Variants in ZBTB20 observed in about 807,000 individuals in gnomAD.
ZBTB20 encodes zinc finger and BTB domain-containing protein 20.
ZBTB20 carries 9 observed loss-of-function variants against 56.9 expected under a neutral mutation model. That is an observed-to-expected ratio of 0.16 (90% CI 0.10 to 0.28). The LOEUF (loss-of-function observed/expected upper bound fraction) is 0.28. Among genes scored for constraint, ZBTB20 ranks in the 10% least tolerant of loss-of-function variants. The pLI, the probability that ZBTB20 is intolerant of heterozygous loss-of-function variation, is 1.00. For synonymous variants in ZBTB20, 417 were observed against 420.7 expected, an observed-to-expected ratio of 0.99 and a Z score of 0.11; for missense variants, 655 against 1,003.0, an observed-to-expected ratio of 0.65 and a Z score of 4.69.
chr3:114,999,493 C>CT (rs1021031518), intron 2 of ZBTB20, among the ~76,000 whole-genome samples: 9 of 150,890 alleles, frequency 6.0e-5, no homozygotes, highest in African/African-American at 1.5e-4. Context: ...TTTAAACCTA[C>CT]TTTTTTTTTA....
intron 7 of ZBTB20, among the ~76,000 whole-genome samples, chr3:114,401,437 T>C (rs1388669955): frequency 6.6e-6 from 1 of 152,108 alleles, no homozygotes; most frequent in African/African-American, 2.4e-5. Flanking sequence ...TTGTACCAAC[T>C]AGCTTCAACT....
intron 5 of ZBTB20, among the ~76,000 whole-genome samples, chr3:114,722,100 G>A (rs1477045378): frequency 6.6e-6 from 1 of 152,166 alleles, no homozygotes; most frequent in East Asian, 1.9e-4. Flanking sequence ...AACTGGAGAA[G>A]TATTAATTGT....
intron 5 of ZBTB20, among the ~76,000 whole-genome samples, chr3:114,742,337 T>C (rs1262823997): frequency 6.6e-6 from 1 of 152,114 alleles, no homozygotes; most frequent in Non-Finnish European, 1.5e-5. Context: ...CCGGGTAGGA[T>C]ACTGTGGATA....
At chr3:114,954,502 C>G (rs1314056114) in intron 3 of ZBTB20, among the ~76,000 whole-genome samples, 1 of 152,148 alleles carries the variant, frequency 6.6e-6, no homozygotes, top group Non-Finnish European at 1.5e-5. Flanking sequence ...TACACACACA[C>G]TCTTACAGAT....
intron 6 of ZBTB20, among the ~76,000 whole-genome samples, chr3:114,614,320 T>C (rs1344667106): frequency 6.6e-6 from 1 of 152,224 alleles, no homozygotes; most frequent in East Asian, 1.9e-4. Context: ...GATTTGGCTC[T>C]TACAGATTTT....
intron 2 of ZBTB20, among the ~76,000 whole-genome samples, chr3:114,984,845 C>T (rs1431747500): frequency 6.6e-6 from 1 of 152,124 alleles, no homozygotes; most frequent in East Asian, 1.9e-4. Context: ...TCACACATCC[C>T]TACACACCAA....
At chr3:114,399,496 T>C (rs2086631327) in intron 7 of ZBTB20, among the ~76,000 whole-genome samples, 1 of 152,190 alleles carries the variant, frequency 6.6e-6, no homozygotes, top group African/African-American at 2.4e-5. Context: ...TGTTGGTTAT[T>C]AGTAGTAATC....
At chr3:114,972,737 A>G (rs543515297) in intron 3 of ZBTB20, among the ~76,000 whole-genome samples, 31 of 152,268 alleles carry the variant, frequency 2.0e-4, no homozygotes, top group South Asian at 6.2e-4. Flanking sequence ...CTCTCAGATA[A>G]TTTTAAATAT....
chr3:114,347,255 T>C (rs2108165399), intron 11 of ZBTB20, among the ~76,000 whole-genome samples: 1 of 152,264 alleles, frequency 6.6e-6, no homozygotes, highest in East Asian at 1.9e-4. Flanking sequence ...CCATCTATAT[T>C]AAACTTTGGA....
chr3:115,005,632 A>AAG (rs1185848741), intron 2 of ZBTB20, among the ~76,000 whole-genome samples: 1 of 151,798 alleles, frequency 6.6e-6, no homozygotes, highest in Admixed American at 6.6e-5. Flanking sequence ...TTAAGAACCA[A>AAG]AGAGAGAGAG....
intron 7 of ZBTB20, among the ~76,000 whole-genome samples, chr3:114,448,166 T>C (rs749867838): frequency 1.8e-4 from 27 of 152,118 alleles, no homozygotes; most frequent in Non-Finnish European, 3.2e-4. Context: ...TCAGCTCTTC[T>C]GGCCTCTCCC....
Position 114,338,919 on chromosome 3 carries a change from C to A in ZBTB20, c.*86G>T, listed in dbSNP as rs1576218169. ...AAGTAAAAATGAAACCAAAACATTT[C>A]TTAAATTCTAGTGCCATAGCTTTTT... On this transcript the variant is annotated 3_prime_UTR_variant, in exon 12 of 12. Coordinates refer to ENST00000675478, the MANE Select transcript of ZBTB20 (RefSeq NM_001348800.3). The A allele has an allele frequency of 1.4e-6, 2 of 1,403,116 alleles. No homozygotes were observed. Among genetic ancestry groups the A allele is most frequent in the East Asian group, 4.7e-5 (2 of 42,214 alleles). 86.9% of individuals were successfully genotyped at this position (1,403,116 alleles called of 1,614,324 possible).
chr3:114,782,030 G>C (rs78462185), intron 5 of ZBTB20, among the ~76,000 whole-genome samples: 2,529 of 152,256 alleles, frequency 0.017, 29 homozygotes, highest in Middle Eastern at 0.034. Context: ...GAAAATGGGG[G>C]AGCAGAAGAG....
At chr3:114,451,595 C>G (rs1164052701) in intron 7 of ZBTB20, among the ~76,000 whole-genome samples, 1 of 152,038 alleles carries the variant, frequency 6.6e-6, no homozygotes, top group Non-Finnish European at 1.5e-5. Context: ...TGCATGTGCG[C>G]ACACACGCTA....
Position 114,993,345 on chromosome 3 carries a change from T to C in ZBTB20, c.-506-18929A>G, listed in dbSNP as rs143427509. On this transcript the variant is annotated intron_variant, in intron 2 of 11. Transcript: ENST00000675478. ...CAGAACCCTGAACAAAGTAAAGGAG[T>C]GAGTCATGAGGCAGAAGATACATCA... 2.1e-3 allele frequency among the ~76,000 whole-genome samples: 324 copies of C among 150,834 alleles called. 5 individuals are homozygous for C. The highest frequency in any genetic ancestry group is 5.6e-3 in the African/African-American group (232 of 41,178).
intron 10 of ZBTB20, among the ~76,000 whole-genome samples, chr3:114,354,850 G>A (rs184000792): frequency 1.6e-4 from 24 of 152,242 alleles, no homozygotes; most frequent in Non-Finnish European, 2.6e-4. Flanking sequence ...AAAGTGCTGG[G>A]ATTACAGGCA....
At chr3:114,640,436 T>A (rs1216380173) in intron 6 of ZBTB20, among the ~76,000 whole-genome samples, 1 of 152,126 alleles carries the variant, frequency 6.6e-6, no homozygotes, top group Non-Finnish European at 1.5e-5. Context: ...AAGGGAACTG[T>A]GGAATGAAGG....
chr3:114,967,957 A>C (rs2077715904), intron 3 of ZBTB20, among the ~76,000 whole-genome samples: 1 of 114,752 alleles, frequency 8.7e-6, no homozygotes. Flanking sequence ...ACTCTGTCTC[A>C]AAAAAAAAAA....
intron 6 of ZBTB20, among the ~76,000 whole-genome samples, chr3:114,690,067 T>C (rs916389714): frequency 6.6e-6 from 1 of 152,216 alleles, no homozygotes; most frequent in Non-Finnish European, 1.5e-5. Context: ...ACAAATTTTA[T>C]ATATGCTCTC....
Sources: allele counts gnomAD v4.1 joint callset (sites outside exome capture counted in the v4.1 genomes callset), GRCh38; gene constraint gnomAD v4.1.1; transcripts MANE v1.5; gene names NCBI Gene and HGNC (gene_info 2026-07-23, HGNC 2026-07-21).